The following GTF2F2 variants were observed in gnomAD, a reference collection of about 807,000 sequenced individuals.
GTF2F2 encodes the protein general transcription factor IIF subunit 2, also known as ATP-dependent helicase GTF2F2.
GTF2F2 carries 23 observed loss-of-function variants against 42.2 expected under a neutral mutation model. That is an observed-to-expected ratio of 0.55 (90% CI 0.39 to 0.77). The LOEUF is 0.77. Among genes scored for constraint, GTF2F2 ranks in the 30% least tolerant of loss-of-function variants. The probability of loss-of-function intolerance (pLI) is 0.00; values close to 1 mark genes in which losing one functional copy is unlikely to be tolerated. For synonymous variants in GTF2F2, 105 were observed against 100.8 expected (o/e 1.04, Z -0.25); for missense variants, 261 against 287.2 (o/e 0.91, Z 0.66).
At chr13:45,146,101 T>C (rs984363447) in intron 2 of GTF2F2, among the ~76,000 whole-genome samples, 1 of 152,162 alleles carries the variant, frequency 6.6e-6, no homozygotes, top group Admixed American at 6.5e-5. Context: ...ATTTGGACTA[T>C]GACCATCCTA....
chr13:45,153,007 G>A (rs543852986), intron 4 of GTF2F2, among the ~76,000 whole-genome samples: 5 of 146,572 alleles, frequency 3.4e-5, no homozygotes, highest in South Asian at 2.1e-4. Context: ...GAACATCCTC[G>A]TAAATTTTTT....
chr13:45,283,582 C>T lies in GTF2F2; in HGVS notation c.*21C>T. The T allele has an allele frequency of 6.3e-7, 1 of 1,582,114 alleles. No individual in the cohort carries two copies. Among genetic ancestry groups the T allele is most frequent in the Non-Finnish European group, 8.6e-7 (1 of 1,166,586 alleles). On this transcript the variant is annotated 3_prime_UTR_variant, in exon 8 of 8. Coordinates refer to ENST00000340473, the MANE Select transcript of GTF2F2 (RefSeq NM_004128.3). ...ACTAAGAAGACTCCTAGCCAGCATG[C>T]TAGTGAAACGACTAGCAGCGATGCT...
intron 3 of GTF2F2, 78 bp from the exon 4 acceptor site, chr13:45,151,604 CAATTT>C (rs1870494244): frequency 3.3e-5 from 27 of 828,684 alleles, no homozygotes; most frequent in Non-Finnish European, 5.0e-5. Context: ...CATTTAAAAA[CAATTT>C]GATTTATAAC....
intron 4 of GTF2F2, among the ~76,000 whole-genome samples, chr13:45,169,477 C>G (rs1191772666): frequency 6.6e-6 from 1 of 152,148 alleles, no homozygotes; most frequent in African/African-American, 2.4e-5. Context: ...GTTGCTTAAG[C>G]CACCCAGTCT....
rs941942291 is a variant in GTF2F2 at position 45,250,323 on chromosome 13, G to A, written c.387-2548G>A. On this transcript the variant is annotated intron_variant, in intron 5 of 7. Coordinates refer to ENST00000340473, the MANE Select transcript of GTF2F2 (RefSeq NM_004128.3). ...GCCTGCCTCCACCTCCCAAATTACA[G>A]GTGTGAGCCACTACACCCAGCCTGC... 2.6e-5 allele frequency among the ~76,000 whole-genome samples: 4 copies of A among 152,000 alleles called. 1 individual carries two copies. The highest frequency in any genetic ancestry group is 6.3e-3 in the Middle Eastern group (2 of 316).
intron 4 of GTF2F2, among the ~76,000 whole-genome samples, chr13:45,156,370 GT>G: frequency 6.6e-6 from 1 of 152,058 alleles, no homozygotes; most frequent in East Asian, 1.9e-4. Flanking sequence ...ATGAAAGATA[GT>G]GAGGATAAAT....
chr13:45,185,482 G>A (rs1208535838), intron 4 of GTF2F2, among the ~76,000 whole-genome samples: 7 of 152,054 alleles, frequency 4.6e-5, no homozygotes, highest in Non-Finnish European at 7.4e-5. Flanking sequence ...AAATGCCTGC[G>A]GTTGTGTTTG....
chr13:45,159,055 C>T (rs1216692759), intron 4 of GTF2F2, among the ~76,000 whole-genome samples: 12 of 152,266 alleles, frequency 7.9e-5, no homozygotes, highest in Admixed American at 1.3e-4. Flanking sequence ...TTTAAACTTT[C>T]TCTTGGCTAA....
At chr13:45,247,852 C>T (rs1013280497) in intron 5 of GTF2F2, among the ~76,000 whole-genome samples, 2 of 151,572 alleles carry the variant, frequency 1.3e-5, no homozygotes, top group Non-Finnish European at 2.9e-5. Flanking sequence ...TTTGTCTGTT[C>T]ATTTGTTTTT....
At chr13:45,174,028 A>T (rs1297064960) in intron 4 of GTF2F2, among the ~76,000 whole-genome samples, 1 of 152,188 alleles carries the variant, frequency 6.6e-6, no homozygotes, top group African/African-American at 2.4e-5. Context: ...GTTTTATGTG[A>T]ATCACTAGCT....
intron 7 of GTF2F2, among the ~76,000 whole-genome samples, chr13:45,280,098 G>A (rs1178791429): frequency 6.6e-6 from 1 of 152,084 alleles, no homozygotes; most frequent in Non-Finnish European, 1.5e-5. Context: ...AAGAATGAGG[G>A]GTCCAGATTT....
intron 6 of GTF2F2, among the ~76,000 whole-genome samples, chr13:45,260,163 TGG>T (rs1876277333): frequency 6.6e-6 from 1 of 152,222 alleles, no homozygotes; most frequent in Non-Finnish European, 1.5e-5. Context: ...CCCTTCAGTG[TGG>T]CAGCCGACTG....
intron 5 of GTF2F2, among the ~76,000 whole-genome samples, chr13:45,236,299 A>T (rs570413195): frequency 1.3e-5 from 2 of 152,192 alleles, no homozygotes; most frequent in African/African-American, 4.8e-5. Context: ...TGACTTACTT[A>T]TCTAAATGGG....
rs553261119 is a variant in GTF2F2 at position 45,277,822 on chromosome 13, A to G, written c.631-5620A>G. On this transcript the variant is annotated intron_variant, in intron 7 of 7. Transcript: ENST00000340473. The stretch of plus-strand genomic sequence containing the variant: ...TCACTTTATAAAAAGCATATAGTGC[A>G]TTTTCCTTTGTCAGCTGCATTAATC... 7.2e-5 allele frequency among the ~76,000 whole-genome samples: 11 copies of G among 152,298 alleles called. No individual in the cohort carries two copies. The East Asian group carries it at 1.7e-3, about 24-fold the overall frequency.
intron 6 of GTF2F2, among the ~76,000 whole-genome samples, chr13:45,260,797 A>C (rs1475477744): frequency 6.6e-6 from 1 of 152,104 alleles, no homozygotes; most frequent in Admixed American, 6.5e-5. Flanking sequence ...AGGCGGGTGG[A>C]TCACTTGAGT....
intron 4 of GTF2F2, among the ~76,000 whole-genome samples, chr13:45,192,299 A>G (rs563196618): frequency 1.6e-4 from 25 of 152,218 alleles, no homozygotes; most frequent in East Asian, 9.6e-4. Flanking sequence ...TTTTTTGTAG[A>G]ACAGATTTTA....
intron 7 of GTF2F2, among the ~76,000 whole-genome samples, chr13:45,277,803 T>C (rs1312222491): frequency 6.6e-6 from 1 of 152,242 alleles, no homozygotes; most frequent in Non-Finnish European, 1.5e-5. Flanking sequence ...TGGATCACTT[T>C]ATAAAAAGCA....
intron 2 of GTF2F2, among the ~76,000 whole-genome samples, chr13:45,139,040 A>G (rs182535310): frequency 5.6e-4 from 85 of 152,358 alleles, no homozygotes; most frequent in Admixed American, 1.2e-3. Flanking sequence ...CAATGAGTCC[A>G]TCTCAGCGCA....
At chr13:45,140,273 C>T (rs986617009) in intron 2 of GTF2F2, among the ~76,000 whole-genome samples, 2 of 152,118 alleles carry the variant, frequency 1.3e-5, no homozygotes, top group Middle Eastern at 3.2e-3. Context: ...TATTTTCAGT[C>T]TGCAGTTGGT....
Sources: gnomAD v4.1 joint callset for allele counts (sites outside exome capture counted in the v4.1 genomes callset) on GRCh38, gnomAD v4.1.1 for gene constraint, MANE v1.5 for transcripts, NCBI Gene and HGNC (gene_info 2026-07-23, HGNC 2026-07-21) for gene names.